The following CCDC73 variants were observed in gnomAD, a reference collection of about 807,000 sequenced individuals.
The protein encoded by CCDC73 is coiled-coil domain containing 73, also known as coiled-coil domain-containing protein 73.
Under a neutral mutation model 116.5 loss-of-function variants are expected in CCDC73, and 95 were observed. That is an observed-to-expected ratio of 0.82 (90% CI 0.69 to 0.97). The LOEUF is 0.97. Ranked by LOEUF, CCDC73 falls within the 50% of genes least tolerant of loss-of-function variation. The pLI, the probability that CCDC73 is intolerant of heterozygous loss-of-function variation, is 0.00. For synonymous variants in CCDC73, 398 were observed against 401.3 expected (o/e 0.99, Z 0.10); for missense variants, 1,066 against 1,206.8 (o/e 0.88, Z 1.73).
chr11:32,811,077 C>A, the CCDC73 span, among the ~76,000 whole-genome samples: 1,834 of 145,036 alleles, frequency 0.013, 19 homozygotes, highest in African/African-American at 0.032. Context: ...ACAACAACAA[C>A]AAAAAAAAAA....
chr11:32,707,408 A>T (rs1473233957), intron 3 of CCDC73, among the ~76,000 whole-genome samples: 1 of 150,954 alleles, frequency 6.6e-6, no homozygotes, highest in East Asian at 1.9e-4. Context: ...TAACCACTAT[A>T]GATACGTGTT....
intron 2 of CCDC73, among the ~76,000 whole-genome samples, chr11:32,733,830 AT>A (rs1325704829): frequency 6.6e-6 from 1 of 152,240 alleles, no homozygotes; most frequent in African/African-American, 2.4e-5. Context: ...AAGATCTAAA[AT>A]TGACACACTA....
chr11:32,746,918 T>G (rs1850244177), intron 2 of CCDC73, among the ~76,000 whole-genome samples: 1 of 152,186 alleles, frequency 6.6e-6, no homozygotes, highest in African/African-American at 2.4e-5. Context: ...TTCTGAAGCC[T>G]ACTTCTGTCG....
intron 6 of CCDC73, among the ~76,000 whole-genome samples, chr11:32,697,973 T>C (rs1359034081): frequency 6.7e-6 from 1 of 149,962 alleles, no homozygotes; most frequent in Non-Finnish European, 1.5e-5. Flanking sequence ...CACGCTCAAG[T>C]AGGCCCCAGT....
chr11:32,661,079 G>C (rs1413572202), intron 9 of CCDC73, among the ~76,000 whole-genome samples: 1 of 152,106 alleles, frequency 6.6e-6, no homozygotes, highest in Non-Finnish European at 1.5e-5. Context: ...AAAGATGATA[G>C]AAAAGGATCC....
At chr11:32,830,252 G>A in the CCDC73 span, 1 of 1,039,518 alleles carries the variant, frequency 9.6e-7, no homozygotes, top group Non-Finnish European at 1.2e-6. Flanking sequence ...GGTTGGATTC[G>A]AACACATAGC....
At chr11:32,653,896 T>C in intron 11 of CCDC73, 82 bp downstream of exon 11, 1 of 1,468,014 alleles carries the variant, frequency 6.8e-7, no homozygotes, top group South Asian at 1.3e-5. Context: ...TACTATGTGC[T>C]ATGCATGATT....
At chr11:32,755,647 A>G (rs1438029033) in intron 2 of CCDC73, among the ~76,000 whole-genome samples, 5 of 100,204 alleles carry the variant, frequency 5.0e-5, no homozygotes, top group East Asian at 3.2e-4. Context: ...ATATGTGTAT[A>G]TATATATCTC....
intron 13 of CCDC73, among the ~76,000 whole-genome samples, chr11:32,636,167 T>C (rs1855675710): frequency 6.6e-6 from 1 of 152,152 alleles, no homozygotes; most frequent in Non-Finnish European, 1.5e-5. Context: ...ACCGTGTCCT[T>C]AATGACAATA....
chr11:32,732,393 A>G (rs1195433740), intron 2 of CCDC73, among the ~76,000 whole-genome samples: 1 of 152,196 alleles, frequency 6.6e-6, no homozygotes, highest in Non-Finnish European at 1.5e-5. Flanking sequence ...GCAGGCCAAC[A>G]TTAAAATTCA....
chr11:32,616,277 T>C, intron 14 of CCDC73, 148 bp from the exon 15 acceptor site: 2 of 770,958 alleles, frequency 2.6e-6, no homozygotes, highest in Non-Finnish European at 2.0e-6. Context: ...GTAAGTTTAA[T>C]ATACCATACT....
intron 6 of CCDC73, among the ~76,000 whole-genome samples, chr11:32,692,563 G>A (rs370576998): frequency 2.0e-4 from 31 of 152,148 alleles, no homozygotes; most frequent in Middle Eastern, 3.4e-3. Context: ...TAGAGCTTTG[G>A]AGCTGAACAT....
the CCDC73 span, among the ~76,000 whole-genome samples, chr11:32,816,766 G>A: frequency 6.6e-6 from 1 of 152,010 alleles, no homozygotes; most frequent in Admixed American, 6.6e-5. Flanking sequence ...TGACTAAATG[G>A]TTTTCTTTCT....
intron 2 of CCDC73, among the ~76,000 whole-genome samples, chr11:32,742,067 A>G (rs11529897): frequency 0.049 from 7,442 of 152,272 alleles, 217 homozygotes; most frequent in East Asian, 0.12. Context: ...ATTGATGGAC[A>G]CCTGGGTTGG....
At chr11:32,627,813 C>T (rs1373289285) in intron 14 of CCDC73, among the ~76,000 whole-genome samples, 1 of 151,996 alleles carries the variant, frequency 6.6e-6, no homozygotes, top group Non-Finnish European at 1.5e-5. Context: ...CACACCGGGG[C>T]CTGTTGTGGG....
the CCDC73 span, among the ~76,000 whole-genome samples, chr11:32,816,158 G>A: frequency 6.6e-6 from 1 of 152,144 alleles, no homozygotes; most frequent in Non-Finnish European, 1.5e-5. Flanking sequence ...AGGTATCTTT[G>A]AGACATCAAG....
At chr11:32,608,260 A>C (rs1855380838) in intron 17 of CCDC73, among the ~76,000 whole-genome samples, 1 of 152,236 alleles carries the variant, frequency 6.6e-6, no homozygotes, top group Non-Finnish European at 1.5e-5. Flanking sequence ...CATCTGAGAC[A>C]AGGCAAGTCC....
chr11:32,704,097 G>C (rs939165421), intron 3 of CCDC73, among the ~76,000 whole-genome samples: 5 of 152,240 alleles, frequency 3.3e-5, no homozygotes, highest in African/African-American at 1.2e-4. Context: ...AGTGGGGGCT[G>C]GGAACAGGTG....
intron 1 of CCDC73, among the ~76,000 whole-genome samples, chr11:32,768,436 C>G (rs1015865566): frequency 6.6e-6 from 1 of 151,536 alleles, no homozygotes; most frequent in Non-Finnish European, 1.5e-5. Context: ...CAAACCTGCA[C>G]GTTGTGCACA....
Sources: allele counts gnomAD v4.1 joint callset (sites outside exome capture counted in the v4.1 genomes callset), GRCh38; gene constraint gnomAD v4.1.1; transcripts MANE v1.5; gene names NCBI Gene and HGNC (gene_info 2026-07-23, HGNC 2026-07-21).